The following FAM227A variants were observed in gnomAD, a reference collection of about 807,000 sequenced individuals.
FAM227A encodes the protein family with sequence similarity 227 member A, also known as protein FAM227A.
FAM227A carries 80 observed loss-of-function variants against 74.7 expected under a neutral mutation model. The ratio of observed to expected loss-of-function variants is 1.07; its 90% CI spans 0.89 to 1.29. The LOEUF (loss-of-function observed/expected upper bound fraction) is 1.29. Ranked by LOEUF, FAM227A falls within the 50% of genes most tolerant of loss-of-function variation. FAM227A has a pLI of 0.00. For synonymous variants in FAM227A, 237 were observed against 241.8 expected (o/e 0.98, Z 0.19); for missense variants, 654 against 683.4 (o/e 0.96, Z 0.48).
intron 11 of FAM227A, among the ~76,000 whole-genome samples, chr22:38,612,408 T>C (rs538440184): frequency 4.6e-5 from 7 of 152,204 alleles, no homozygotes; most frequent in Non-Finnish European, 7.3e-5. Context: ...CTCTTTTTTT[T>C]CGCCTCAGGG....
At chr22:38,611,995 C>G (rs1396707308) in intron 11 of FAM227A, among the ~76,000 whole-genome samples, 2 of 152,136 alleles carry the variant, frequency 1.3e-5, no homozygotes, top group Admixed American at 1.3e-4. Context: ...CCTTCAACTC[C>G]GTCCTTTCTT....
chr22:38,599,956 T>C (rs1169900914), intron 13 of FAM227A, 35 bp from the exon 14 acceptor site: 17 of 1,511,384 alleles, frequency 1.1e-5, no homozygotes, highest in African/African-American at 2.8e-5. Flanking sequence ...ATAAAGGATA[T>C]TGTCATTTTT....
chr22:38,601,451 C>T (rs1330887550), intron 13 of FAM227A, among the ~76,000 whole-genome samples: 26 of 115,138 alleles, frequency 2.3e-4, no homozygotes, highest in Non-Finnish European at 3.8e-4. Context: ...GGGGTGGGGG[C>T]GGGTGCAGAG....
In FAM227A at chr22:38,578,675, C is replaced by T. The variant is rs1013339; in HGVS notation, c.*7450G>A. On this transcript the variant is annotated 3_prime_UTR_variant, in exon 17 of 17. Transcript: ENST00000535113. ...ATTAGACATGCAGCTGGGAACCAAG[C>T]AGAGGCTCTCTCTGGGGTTGCGGGG... 58,521 of 151,998 alleles carry T rather than the reference C, an allele frequency of 0.39. 11,740 individuals are homozygous for T. The highest frequency in any genetic ancestry group is 0.49 in the African/African-American group (20,258 of 41,392). 9.4% of individuals were successfully genotyped at this position (151,998 alleles called of 1,614,324 possible).
Position 38,581,092 on chromosome 22 carries a change from T to C in FAM227A, c.*5033A>G, listed in dbSNP as rs2090703062. On this transcript the variant is annotated 3_prime_UTR_variant, in exon 17 of 17. Coordinates refer to ENST00000535113, the MANE Select transcript of FAM227A (RefSeq NM_001013647.2). ...CCGCGTCCAGACACCAATCCGTTTT[T>C]TAAAAGTCACAATATGAACTTACAG... The C allele has an allele frequency of 6.6e-6, 1 of 152,188 alleles. No individual in the cohort carries two copies. The highest frequency in any genetic ancestry group is 2.1e-4 in the South Asian group (1 of 4,828). The allele number at this position is 152,188 out of a possible 1,614,324, so 9.4% of individuals were successfully genotyped here. A position where few individuals can be genotyped will look rare whatever the true frequency, so the allele number is the denominator to read the frequency against.
intron 11 of FAM227A, among the ~76,000 whole-genome samples, chr22:38,619,313 C>CTTATTTAT (rs377131481): frequency 1.7e-4 from 26 of 151,616 alleles, no homozygotes; most frequent in Non-Finnish European, 2.9e-4. Flanking sequence ...GAAGTAGGAT[C>CTTATTTAT]TTATTTATTT....
chr22:38,587,070 G>A (rs2090825986), intron 16 of FAM227A, among the ~76,000 whole-genome samples: 1 of 151,930 alleles, frequency 6.6e-6, no homozygotes, highest in African/African-American at 2.4e-5. Flanking sequence ...AAAATATTTT[G>A]AAATAAAAAC....
chr22:38,655,071 C>A (rs901683890), intron 1 of FAM227A, among the ~76,000 whole-genome samples: 1 of 149,628 alleles, frequency 6.7e-6, no homozygotes, highest in African/African-American at 2.5e-5. Flanking sequence ...ACCCAGGAGT[C>A]GGAGGTTGCA....
At chr22:38,612,398 CTCT>C (rs1053672422) in intron 11 of FAM227A, among the ~76,000 whole-genome samples, 2 of 152,174 alleles carry the variant, frequency 1.3e-5, no homozygotes, top group Non-Finnish European at 1.5e-5. Context: ...AACACTCGAG[CTCT>C]TTTTTTTCGC....
intron 16 of FAM227A, among the ~76,000 whole-genome samples, chr22:38,590,758 T>G (rs1406831941): frequency 6.6e-6 from 1 of 152,130 alleles, no homozygotes; most frequent in African/African-American, 2.4e-5. Context: ...AAAACTAAAA[T>G]GAGAGTGGTG....
intron 6 of FAM227A, among the ~76,000 whole-genome samples, chr22:38,630,998 T>C (rs530631867): frequency 2.6e-5 from 4 of 152,230 alleles, no homozygotes; most frequent in African/African-American, 9.6e-5. Flanking sequence ...TGAAACCCTG[T>C]CTCTACTAAA....
At chr22:38,631,384 CAAAAG>C (rs947460884) in intron 6 of FAM227A, among the ~76,000 whole-genome samples, 3 of 151,812 alleles carry the variant, frequency 2.0e-5, no homozygotes, top group African/African-American at 4.8e-5. Context: ...GGGGGACTCT[CAAAAG>C]GGGGAGGATG....
At chr22:38,626,417 T>C (rs2091801728) in intron 8 of FAM227A, 114 bp from the exon 9 acceptor site, 1 of 1,290,880 alleles carries the variant, frequency 7.7e-7, no homozygotes, top group Non-Finnish European at 1.0e-6. Context: ...GTTGTTGTTG[T>C]TTAGAGACAA....
intron 6 of FAM227A, among the ~76,000 whole-genome samples, chr22:38,635,843 A>T (rs967381099): frequency 9.2e-5 from 14 of 152,080 alleles, no homozygotes; most frequent in South Asian, 2.1e-4. Flanking sequence ...CTACAAAAAA[A>T]TTTTTTTAAA....
At chr22:38,643,974 C>A (rs1321943345) in intron 3 of FAM227A, among the ~76,000 whole-genome samples, 1 of 151,568 alleles carries the variant, frequency 6.6e-6, no homozygotes, top group Non-Finnish European at 1.5e-5. Flanking sequence ...GGTGAAACCC[C>A]GTCTCTACTA....
intron 16 of FAM227A, 38 bp downstream of exon 16, chr22:38,591,397 G>A (rs747874122): frequency 1.4e-5 from 22 of 1,540,704 alleles, no homozygotes; most frequent in East Asian, 2.5e-5. Context: ...GTTTTTGTTC[G>A]AACAACCCTT....
rs1335935596 is a variant in FAM227A at position 38,623,184 on chromosome 22, T to G, written c.946A>C (p.Arg316=). 1.3e-6 allele frequency: 2 copies of G among 1,550,766 alleles called. No individual in the cohort carries two copies. Among genetic ancestry groups the G allele is most frequent in the African/African-American group, 2.7e-5 (2 of 73,010 alleles). The part of the protein sequence containing the change: ...RREELMLYRR[R]LTKGREFSLF... ...CCTGCTATCTTACCCTTTGTCAGTCTTCTTCTGTACAACATTAATTCTTCT... is the reference window on the plus strand; with the variant it reads ...CCTGCTATCTTACCCTTTGTCAGTCGTCTTCTGTACAACATTAATTCTTCT... Residue 316 remains arginine (R), a synonymous_variant, in exon 10 of 17, where the codon AGA becomes CGA. Transcript: ENST00000535113.
intron 10 of FAM227A, 67 bp from the exon 11 acceptor site, chr22:38,620,358 G>T: frequency 4.8e-6 from 6 of 1,246,304 alleles, no homozygotes; most frequent in Non-Finnish European, 6.9e-6. Flanking sequence ...TAGCCCAGGA[G>T]CTTGAGACAG....
intron 15 of FAM227A, among the ~76,000 whole-genome samples, chr22:38,595,648 T>C (rs1390988938): frequency 2.0e-5 from 3 of 152,112 alleles, no homozygotes; most frequent in Non-Finnish European, 4.4e-5. Flanking sequence ...AAGACAAACA[T>C]GTGCTCTTAC....
Sources: gnomAD v4.1 joint callset for allele counts (sites outside exome capture counted in the v4.1 genomes callset) on GRCh38, gnomAD v4.1.1 for gene constraint, MANE v1.5 for transcripts, NCBI Gene and HGNC (gene_info 2026-07-23, HGNC 2026-07-21) for gene names.